ITGA4: variants seen among roughly 807,000 people sequenced by gnomAD.
ITGA4 encodes integrin alpha-4.
ITGA4 carries 63 observed loss-of-function variants against 133.6 expected under a neutral mutation model. The ratio of observed to expected loss-of-function variants is 0.47; its 90% CI spans 0.38 to 0.58. ITGA4 has a LOEUF of 0.58. ITGA4 is among the 20% of genes least tolerant of loss of function. ITGA4 has a pLI of 0.00. For missense variants in ITGA4, 1,076 were observed against 1,252.7 expected, an observed-to-expected ratio of 0.86 and a Z score of 2.13; for synonymous variants, 483 against 438.0, an observed-to-expected ratio of 1.10 and a Z score of -1.28.
rs1353177041 is a variant in ITGA4, at chr2:181,457,939, C to T, written c.197+88C>T. On this transcript the variant is annotated intron_variant, in intron 1 of 27. Transcript: ENST00000397033. ...GGATTCCCTGCCCGATTCAAACTTTCCTCCCTCCCAAGGAGGCAGGAGGGA... is the reference window on the plus strand; with the variant it reads ...GGATTCCCTGCCCGATTCAAACTTTTCTCCCTCCCAAGGAGGCAGGAGGGA... The T allele has an allele frequency of 4.9e-5, 64 of 1,313,152 alleles. 2 individuals are homozygous for T. In the South Asian group the frequency reaches 7.1e-4, roughly 15 times the overall value. The allele number at this position is 1,313,152 out of a possible 1,614,324, so 81.3% of individuals were successfully genotyped here.
At chr2:181,461,041 A>C (rs1373514395) in intron 2 of ITGA4, among the ~76,000 whole-genome samples, 1 of 151,644 alleles carries the variant, frequency 6.6e-6, no homozygotes, top group African/African-American at 2.4e-5. Flanking sequence ...ATCCACATGG[A>C]CTAGTCTTTG....
At chr2:181,468,703 T>C (rs1685480904) in intron 2 of ITGA4, among the ~76,000 whole-genome samples, 2 of 152,198 alleles carry the variant, frequency 1.3e-5, no homozygotes, top group South Asian at 4.1e-4. Context: ...TATATACACA[T>C]TTATATATGC....
rs1559064052 is a variant in ITGA4, at chr2:181,537,561, C to A, written c.*2034C>A. The A allele has an allele frequency of 2.3e-6, 1 of 438,156 alleles. No homozygotes were observed. The highest frequency in any genetic ancestry group is 7.1e-5 in the East Asian group (1 of 14,184). 27.1% of individuals were successfully genotyped at this position (438,156 alleles called of 1,614,324 possible). On this transcript the variant is annotated 3_prime_UTR_variant, in exon 28 of 28. Coordinates refer to ENST00000397033, the MANE Select transcript of ITGA4 (RefSeq NM_000885.6). ...TGCTCTGGATTAGGGAGCAGTGAAT[C>A]AAGGCAGACTTATGAAATCTGTATT...
In ITGA4 at chr2:181,535,460, C is replaced by G. The variant is rs781174337; in HGVS notation, c.3032C>G (p.Ser1011Cys). Residue 1011 changes from serine to cysteine, a missense_variant, in exon 28 of 28, where the codon TCT (serine) becomes TGT (cysteine). Ser to Cys is a moderately radical substitution (Grantham distance 112). Coordinates refer to ENST00000397033, the MANE Select transcript of ITGA4 (RefSeq NM_000885.6). ...GGCTTCTTTAAAAGACAATACAAAT[C>G]TATCCTACAAGAAGAAAACAGAAGA... The part of the protein sequence containing the change: ...KAGFFKRQYK[S>C]ILQEENRRDS... 6.2e-6 allele frequency: 10 copies of G among 1,609,398 alleles called. No homozygotes were observed. The highest frequency in any genetic ancestry group is 7.6e-6 in the Non-Finnish European group (9 of 1,177,584).
chr2:181,534,378 T>C lies in ITGA4; in HGVS notation c.2883+8T>C, dbSNP rs1687009679. The C allele has an allele frequency of 2.8e-6, 4 of 1,435,296 alleles. No homozygotes were observed. The highest frequency in any genetic ancestry group is 3.9e-6 in the Non-Finnish European group (4 of 1,018,836). 88.9% of individuals were successfully genotyped at this position (1,435,296 alleles called of 1,614,324 possible). Reference sequence around the variant, plus strand: ...GATGAGAATGTTGCGCATGTAAGATTACCCTCTTAACTGCTACATTAAAAT... The same window carrying C: ...GATGAGAATGTTGCGCATGTAAGATCACCCTCTTAACTGCTACATTAAAAT... On this transcript the variant is annotated splice_region_variant and intron_variant, in intron 26 of 27. Transcript: ENST00000397033.
chr2:181,494,637 A>G (rs1686123294), intron 11 of ITGA4, 85 bp from the exon 12 acceptor site: 1 of 778,814 alleles, frequency 1.3e-6, no homozygotes, highest in Admixed American at 1.8e-5. Flanking sequence ...CATGCCTGGG[A>G]AAGCTCATTA....
At chr2:181,484,263 A>C (rs901386439) in intron 9 of ITGA4, among the ~76,000 whole-genome samples, 3 of 152,196 alleles carry the variant, frequency 2.0e-5, no homozygotes, top group Non-Finnish European at 4.4e-5. Context: ...TGAACTCAAG[A>C]AAGAATGATA....
chr2:181,537,779 G>A lies in ITGA4; in HGVS notation c.*2252G>A, dbSNP rs1288681938. Reference sequence around the variant, plus strand: ...GAATTGATATCTAAAAACAGAATTTGAATTGATATTTCATCTTGACTTTTA... The same window carrying A: ...GAATTGATATCTAAAAACAGAATTTAAATTGATATTTCATCTTGACTTTTA... On this transcript the variant is annotated 3_prime_UTR_variant, in exon 28 of 28. Transcript: ENST00000397033. 2.2e-6 allele frequency: 1 copy of A among 454,460 alleles called. No homozygotes were observed. Among genetic ancestry groups the A allele is most frequent in the Non-Finnish European group, 4.4e-6 (1 of 228,936 alleles). 28.2% of individuals were successfully genotyped at this position (454,460 alleles called of 1,614,324 possible).
chr2:181,512,802 G>T (rs1686531405), intron 17 of ITGA4, among the ~76,000 whole-genome samples: 1 of 152,068 alleles, frequency 6.6e-6, no homozygotes, highest in South Asian at 2.1e-4. Context: ...GTAGCCAAAT[G>T]ACAGGATTAG....
At chr2:181,482,691 T>C (rs1231057953) in intron 9 of ITGA4, 40 bp downstream of exon 9, 1 of 1,594,510 alleles carries the variant, frequency 6.3e-7, no homozygotes, top group African/African-American at 1.3e-5. Flanking sequence ...TTTATGGAAT[T>C]ATGATCAAAA....
intron 4 of ITGA4, chr2:181,476,021 T>A: frequency 4.1e-6 from 4 of 987,308 alleles, no homozygotes; most frequent in Non-Finnish European, 5.5e-6. Context: ...CAAAGAAAAA[T>A]TTTATTGGTT....
In ITGA4 at chr2:181,458,297, C is replaced by A; in HGVS notation, c.299C>A (p.Thr100Lys). Residue 100 changes from threonine (T) to lysine (K), a missense_variant, in exon 2 of 28, where the codon ACG (threonine) becomes AAG (lysine). Coordinates refer to ENST00000397033, the MANE Select transcript of ITGA4 (RefSeq NM_000885.6). Reference sequence around the variant, plus strand: ...AGGATCGGAAAGAATCCCGGCCAGACGTGCGAACAGCTCCAGCTGGGTGAG... The same window carrying A: ...AGGATCGGAAAGAATCCCGGCCAGAAGTGCGAACAGCTCCAGCTGGGTGAG... The part of the protein sequence containing the change: ...RCRIGKNPGQ[T>K]CEQLQLGSPN... 1.2e-6 allele frequency: 2 copies of A among 1,612,164 alleles called. No individual in the cohort carries two copies. The highest frequency in any genetic ancestry group is 1.3e-5 in the African/African-American group (1 of 75,012).
intron 25 of ITGA4, 121 bp downstream of exon 25, chr2:181,531,897 G>A: frequency 1.6e-6 from 1 of 630,916 alleles, no homozygotes; most frequent in Non-Finnish European, 2.6e-6. Flanking sequence ...TAAAATTTTG[G>A]AGTAAAACTC....
intron 10 of ITGA4, among the ~76,000 whole-genome samples, chr2:181,491,971 AATCTC>A (rs200624027): frequency 0.016 from 2,451 of 152,264 alleles, 25 homozygotes; most frequent in Middle Eastern, 0.051. Flanking sequence ...TGGATACTTT[AATCTC>A]ATCTTGGGCA....
intron 16 of ITGA4, among the ~76,000 whole-genome samples, chr2:181,510,635 A>T (rs1686487837): frequency 6.6e-6 from 1 of 152,116 alleles, no homozygotes. Flanking sequence ...AAGATAATTG[A>T]GCTTACAATC....
chr2:181,537,461 C>T lies in ITGA4; in HGVS notation c.*1934C>T, dbSNP rs1219450889. The T allele has an allele frequency of 4.5e-6, 2 of 448,978 alleles. No individual in the cohort carries two copies. Among genetic ancestry groups the T allele is most frequent in the African/African-American group, 2.0e-5 (1 of 49,902 alleles). The allele number at this position is 448,978 out of a possible 1,614,324, so 27.8% of individuals were successfully genotyped here. A position where few individuals can be genotyped will look rare whatever the true frequency, so the allele number is the denominator to read the frequency against. On this transcript the variant is annotated 3_prime_UTR_variant, in exon 28 of 28. Transcript: ENST00000397033. ...TGTATCATGAATTTTAAAACCCTACCACTTTAAGAAGACAGGGATGGGTTA... is the reference window on the plus strand; with the variant it reads ...TGTATCATGAATTTTAAAACCCTACTACTTTAAGAAGACAGGGATGGGTTA...
At chr2:181,474,302 A>G (rs1003505589) in intron 2 of ITGA4, among the ~76,000 whole-genome samples, 14 of 152,200 alleles carry the variant, frequency 9.2e-5, no homozygotes, top group South Asian at 2.1e-4. Context: ...CTATTCATGC[A>G]TTTGCCAAAG....
At chr2:181,496,117 T>C (rs1686152835) in intron 14 of ITGA4, among the ~76,000 whole-genome samples, 180 bp downstream of exon 14, 1 of 152,172 alleles carries the variant, frequency 6.6e-6, no homozygotes, top group African/African-American at 2.4e-5. Flanking sequence ...TTCTAACCAA[T>C]GAGTTGGGCA....
chr2:181,515,558 G>A (rs1686587842), intron 17 of ITGA4, among the ~76,000 whole-genome samples: 2 of 152,010 alleles, frequency 1.3e-5, no homozygotes, highest in East Asian at 3.9e-4. Context: ...GTCTTACAAG[G>A]TTTGAAGTGG....
Sources: gnomAD v4.1 joint callset for allele counts (sites outside exome capture counted in the v4.1 genomes callset) on GRCh38, gnomAD v4.1.1 for gene constraint, MANE v1.5 for transcripts, NCBI Gene and HGNC (gene_info 2026-07-23, HGNC 2026-07-21) for gene names.